The following OR13A1 variants were observed in gnomAD, a reference collection of about 807,000 sequenced individuals.
OR13A1 encodes olfactory receptor family 13 subfamily A member 1, also known as olfactory receptor 13A1.
OR13A1 carries 10 observed loss-of-function variants against 7.5 expected under a neutral mutation model. The ratio of observed to expected loss-of-function variants is 1.34; its 90% CI spans 0.83 to 2.27. OR13A1 has a LOEUF of 2.27. Among genes scored for constraint, OR13A1 ranks in the 30% most tolerant of loss-of-function variants. The pLI, the probability that OR13A1 is intolerant of heterozygous loss-of-function variation, is 0.00. For synonymous variants in OR13A1, 238 were observed against 177.9 expected (o/e 1.34, Z -2.69); for missense variants, 509 against 419.1 (o/e 1.21, Z -1.87).
chr10:45,314,878 G>A (rs551383486), intron 1 of OR13A1, among the ~76,000 whole-genome samples: 18 of 152,100 alleles, frequency 1.2e-4, no homozygotes, highest in South Asian at 2.1e-4. Flanking sequence ...TAGAAAAAAC[G>A]AACAGACTTA....
rs550506080 is a variant in OR13A1 at position 45,304,305 on chromosome 10, C to G, written c.118G>C (p.Glu40Gln). 20 of 1,614,042 alleles carry G rather than the reference C, an allele frequency of 1.2e-5. No homozygotes were observed. In the Admixed American group the frequency reaches 3.3e-4, roughly 27 times the overall value. Residue 40 changes from glutamate (E) to glutamine (Q), a missense_variant, in exon 4 of 4, where the codon GAA becomes CAA. Coordinates refer to ENST00000553795, the MANE Select transcript of OR13A1 (RefSeq NM_001004297.3). Reference protein sequence around the residue: ...FILQGFSEHPEYRVFLFSCFL... With the variant: ...FILQGFSEHPQYRVFLFSCFL... ...CAGCTGAATAAGAACACCCGGTATT[C>G]TGGGTGCTCCGAAAAGCCCTGCAGG...
chr10:45,309,764 T>C (rs1428503790), intron 1 of OR13A1, among the ~76,000 whole-genome samples: 3 of 152,174 alleles, frequency 2.0e-5, no homozygotes, highest in Non-Finnish European at 4.4e-5. Flanking sequence ...GAGAGCTGAC[T>C]AAATATCGAT....
intron 1 of OR13A1, among the ~76,000 whole-genome samples, chr10:45,310,856 A>G (rs923572368): frequency 3.3e-5 from 5 of 152,226 alleles, no homozygotes; most frequent in African/African-American, 1.2e-4. Context: ...GTTAAAAGAG[A>G]AAATCAAGGA....
chr10:45,305,934 A>G (rs1323174063), intron 3 of OR13A1, among the ~76,000 whole-genome samples: 1 of 152,218 alleles, frequency 6.6e-6, no homozygotes, highest in Non-Finnish European at 1.5e-5. Context: ...AGATTAACAC[A>G]TATGCCCGTT....
At chr10:45,308,251 T>C (rs1838376566) in intron 1 of OR13A1, among the ~76,000 whole-genome samples, 1 of 152,248 alleles carries the variant, frequency 6.6e-6, no homozygotes, top group African/African-American at 2.4e-5. Flanking sequence ...TTGTCCAACC[T>C]ATTGATTTGG....
chr10:45,311,988 G>C (rs1402405013), intron 1 of OR13A1, among the ~76,000 whole-genome samples: 1 of 152,040 alleles, frequency 6.6e-6, no homozygotes, highest in Non-Finnish European at 1.5e-5. Context: ...ATAATACATT[G>C]GATGAGATTA....
chr10:45,305,311 T>A (rs10900196), intron 3 of OR13A1, among the ~76,000 whole-genome samples: 7,648 of 150,866 alleles, frequency 0.051, 409 homozygotes, highest in East Asian at 0.3. Context: ...ATCTCATTTT[T>A]AAAAAAAAAA....
At chr10:45,311,166 C>G (rs1221069696) in intron 1 of OR13A1, among the ~76,000 whole-genome samples, 2 of 152,228 alleles carry the variant, frequency 1.3e-5, no homozygotes, top group Non-Finnish European at 2.9e-5. Context: ...CAGCAAGGAC[C>G]AGCTATAAAA....
intron 1 of OR13A1, among the ~76,000 whole-genome samples, chr10:45,313,080 A>T (rs537274544): frequency 3.3e-5 from 5 of 152,262 alleles, no homozygotes; most frequent in Admixed American, 6.5e-5. Flanking sequence ...AAAAGCTTAA[A>T]AATAACTATA....
At chr10:45,314,312 A>T (rs1382153292) in intron 1 of OR13A1, among the ~76,000 whole-genome samples, 1 of 152,076 alleles carries the variant, frequency 6.6e-6, no homozygotes, top group Admixed American at 6.6e-5. Flanking sequence ...AAAGGAAGAA[A>T]GTGGCTAGGC....
In OR13A1 at chr10:45,303,750, C is replaced by A. The variant is rs777258483; in HGVS notation, c.673G>T (p.Gly225Cys). 6.2e-7 allele frequency: 1 copy of A among 1,614,094 alleles called. No individual in the cohort carries two copies. Among genetic ancestry groups the A allele is most frequent in the Non-Finnish European group, 8.5e-7 (1 of 1,180,030 alleles). ...VMIVLADAFY[G>C]IVNFLMTIAS... ...ATGGTCATCAGGAAGTTCACTATGC[C>A]GTAGAAAGCATCCGCCAGGACAATC... Residue 225 changes from glycine (G) to cysteine (C), a missense_variant, in exon 4 of 4, where the codon GGC becomes TGC. Transcript: ENST00000553795.
intron 3 of OR13A1, among the ~76,000 whole-genome samples, chr10:45,306,638 A>T (rs942817959): frequency 2.6e-5 from 4 of 152,254 alleles, no homozygotes; most frequent in African/African-American, 9.6e-5. Flanking sequence ...AAATGACCAA[A>T]CATCATCTCC....
intron 1 of OR13A1, 88 bp from the exon 2 acceptor site, chr10:45,307,896 G>T (rs907437819): frequency 2.6e-5 from 4 of 151,888 alleles, no homozygotes; most frequent in African/African-American, 9.7e-5. Context: ...AAATTAAAAA[G>T]GTAATTTCAT....
At chr10:45,312,754 G>A (rs1275333329) in intron 1 of OR13A1, among the ~76,000 whole-genome samples, 1 of 151,994 alleles carries the variant, frequency 6.6e-6, no homozygotes, top group Non-Finnish European at 1.5e-5. Context: ...AGGCCAGAAG[G>A]CAGGGGGATA....
At chr10:45,306,438 G>C (rs990875852) in intron 3 of OR13A1, among the ~76,000 whole-genome samples, 13 of 133,456 alleles carry the variant, frequency 9.7e-5, no homozygotes, top group Admixed American at 7.7e-4. Context: ...GGGTGACAGA[G>C]CGAGACTCCG....
intron 1 of OR13A1, among the ~76,000 whole-genome samples, chr10:45,311,053 A>G (rs1301140819): frequency 1.3e-5 from 2 of 152,194 alleles, no homozygotes; most frequent in Non-Finnish European, 2.9e-5. Context: ...TGGCCAAGGA[A>G]ATGCTTGGAA....
chr10:45,304,513 T>C (rs879388939), intron 3 of OR13A1, 79 bp from the exon 4 acceptor site: 5 of 1,200,296 alleles, frequency 4.2e-6, no homozygotes, highest in Non-Finnish European at 4.7e-6. Flanking sequence ...GCATGAAAGA[T>C]AGAGATGCAT....
At chr10:45,314,436 C>A (rs1453784053) in intron 1 of OR13A1, among the ~76,000 whole-genome samples, 3 of 143,388 alleles carry the variant, frequency 2.1e-5, no homozygotes, top group African/African-American at 2.6e-5. Flanking sequence ...ATCTCCACAA[C>A]TTAAGAAAAA....
At chr10:45,309,079 A>C (rs1312917575) in intron 1 of OR13A1, among the ~76,000 whole-genome samples, 3 of 152,108 alleles carry the variant, frequency 2.0e-5, no homozygotes, top group Non-Finnish European at 4.4e-5. Flanking sequence ...TTCTAATCCA[A>C]ATGTGTAGAA....
Sources: gnomAD v4.1 joint callset for allele counts (sites outside exome capture counted in the v4.1 genomes callset) on GRCh38, gnomAD v4.1.1 for gene constraint, MANE v1.5 for transcripts, NCBI Gene and HGNC (gene_info 2026-07-23, HGNC 2026-07-21) for gene names.